RGS20: variants seen among roughly 807,000 people sequenced by gnomAD.
RGS20 encodes the protein regulator of G protein signaling 20.
RGS20 carries 30 observed loss-of-function variants against 33.6 expected under a neutral mutation model. The ratio of observed to expected loss-of-function variants is 0.89; its 90% CI spans 0.67 to 1.21. The LOEUF is 1.21. Among genes scored for constraint, RGS20 ranks in the 50% most tolerant of loss-of-function variants. The probability of loss-of-function intolerance (pLI) is 0.00; values close to 1 mark genes in which losing one functional copy is unlikely to be tolerated. For synonymous variants in RGS20, 208 were observed against 197.9 expected (o/e 1.05, Z -0.43); for missense variants, 472 against 502.4 (o/e 0.94, Z 0.58).
chr8:53,897,145 T>C (rs1330490527), intron 2 of RGS20, among the ~76,000 whole-genome samples: 3 of 152,232 alleles, frequency 2.0e-5, no homozygotes, highest in Non-Finnish European at 2.9e-5. Flanking sequence ...CTTTTGTACA[T>C]TTTTATCCTT....
Position 53,925,573 on chromosome 8 carries a change from T to C in RGS20, c.511-14003T>C, listed in dbSNP as rs553877393. 1.3e-4 allele frequency among the ~76,000 whole-genome samples: 19 copies of C among 151,044 alleles called. 1 individual carries two copies. The highest frequency in any genetic ancestry group is 4.4e-4 in the African/African-American group (18 of 41,114). On this transcript the variant is annotated intron_variant, in intron 2 of 5. Coordinates refer to ENST00000297313, the MANE Select transcript of RGS20 (RefSeq NM_170587.4). ...TGGGCGGATCACCTCAGGTCAGGAG[T>C]AAAAATACAAAATTAGCTGGGCATG...
At chr8:53,906,201 C>T (rs1813168181) in intron 2 of RGS20, among the ~76,000 whole-genome samples, 2 of 152,030 alleles carry the variant, frequency 1.3e-5, no homozygotes, top group Admixed American at 1.3e-4. Context: ...GGATCACGAC[C>T]TCGTCCCTAC....
chr8:53,939,113 T>A (rs747334274), intron 2 of RGS20, among the ~76,000 whole-genome samples: 2 of 152,210 alleles, frequency 1.3e-5, no homozygotes, highest in Non-Finnish European at 2.9e-5. Flanking sequence ...CTCGTCAGCC[T>A]GCTGTATTAG....
intron 5 of RGS20, among the ~76,000 whole-genome samples, chr8:53,955,134 T>A (rs772349188): frequency 1.3e-5 from 2 of 151,394 alleles, no homozygotes; most frequent in Admixed American, 6.6e-5. Flanking sequence ...TTGCAGTTGA[T>A]GTTCTGGGTC....
chr8:53,899,835 C>G (rs1812963399), intron 2 of RGS20, among the ~76,000 whole-genome samples: 1 of 152,174 alleles, frequency 6.6e-6, no homozygotes, highest in Non-Finnish European at 1.5e-5. Context: ...GCTTCAGGCT[C>G]TAGTCACAAA....
intron 3 of RGS20, among the ~76,000 whole-genome samples, chr8:53,940,535 A>G (rs569778764): frequency 3.0e-4 from 46 of 152,336 alleles, no homozygotes; most frequent in African/African-American, 1.0e-3. Flanking sequence ...TGGACTGATC[A>G]CGAACCGTGA....
intron 2 of RGS20, among the ~76,000 whole-genome samples, chr8:53,883,159 T>C (rs1751511731): frequency 1.4e-5 from 2 of 146,860 alleles, no homozygotes; most frequent in Admixed American, 6.7e-5. Flanking sequence ...CTTTCTTTCT[T>C]TTTTTTTTTT....
intron 2 of RGS20, among the ~76,000 whole-genome samples, chr8:53,908,820 TAAAC>T (rs1400079430): frequency 1.2e-4 from 18 of 151,558 alleles, no homozygotes; most frequent in Admixed American, 1.1e-3. Context: ...AATAAATAAA[TAAAC>T]AAACTATCAT....
chr8:53,881,185 C>G (rs985082499), intron 2 of RGS20, 101 bp downstream of exon 1: 2 of 884,970 alleles, frequency 2.3e-6, no homozygotes, highest in African/African-American at 1.9e-5. Context: ...CGCCGCTCGT[C>G]CGGACCTCAG....
At chr8:53,952,390 G>T (rs1422794676) in intron 4 of RGS20, among the ~76,000 whole-genome samples, 1 of 149,436 alleles carries the variant, frequency 6.7e-6, no homozygotes, top group Non-Finnish European at 1.5e-5. Flanking sequence ...GAAAAAGCAA[G>T]TTGCAGAAGA....
chr8:53,901,105 C>G (rs1365934793), intron 2 of RGS20, among the ~76,000 whole-genome samples: 1 of 150,380 alleles, frequency 6.6e-6, no homozygotes, highest in Non-Finnish European at 1.5e-5. Context: ...GCTCTATCAC[C>G]CAGGCTGGAG....
At chr8:53,914,938 A>C (rs2129284695) in intron 2 of RGS20, 1 of 152,342 alleles carries the variant, frequency 6.6e-6, no homozygotes, top group African/African-American at 2.4e-5. Context: ...TGAGGTCAGG[A>C]GTTTGAGGCC....
chr8:53,867,099 T>G (rs1449041420), intron 1 of RGS20, among the ~76,000 whole-genome samples: 3 of 152,154 alleles, frequency 2.0e-5, no homozygotes, highest in African/African-American at 7.2e-5. Flanking sequence ...CTTGTGGTCA[T>G]GTCTCCCTCT....
intron 1 of RGS20, among the ~76,000 whole-genome samples, chr8:53,864,552 C>A (rs774773393): frequency 8.6e-5 from 13 of 151,910 alleles, no homozygotes; most frequent in Non-Finnish European, 1.6e-4. Flanking sequence ...ATCCTATGGG[C>A]TGGGTTTGTA....
chr8:53,868,582 A>G (rs2129270740), intron 1 of RGS20, among the ~76,000 whole-genome samples: 1 of 152,286 alleles, frequency 6.6e-6, no homozygotes, highest in Middle Eastern at 3.4e-3. Flanking sequence ...CAATATTCTT[A>G]TAATAAAGAT....
intron 1 of RGS20, among the ~76,000 whole-genome samples, chr8:53,873,030 G>C (rs764495392): frequency 6.6e-6 from 1 of 152,066 alleles, no homozygotes; most frequent in Non-Finnish European, 1.5e-5. Context: ...ATTGAGTCAC[G>C]AGGGCAAATC....
At chr8:53,944,408 C>G (rs930508490) in intron 3 of RGS20, among the ~76,000 whole-genome samples, 15 of 151,788 alleles carry the variant, frequency 9.9e-5, no homozygotes, top group Non-Finnish European at 1.9e-4. Context: ...TGTGGTGGTG[C>G]GCGCCTGTAG....
At chr8:53,942,464 C>G (rs1292942597) in intron 3 of RGS20, among the ~76,000 whole-genome samples, 3 of 147,632 alleles carry the variant, frequency 2.0e-5, no homozygotes, top group African/African-American at 7.5e-5. Context: ...GTCTGAAAAA[C>G]AAAAACAAAA....
chr8:53,888,105 T>C (rs754548097), intron 2 of RGS20, among the ~76,000 whole-genome samples: 3 of 152,234 alleles, frequency 2.0e-5, no homozygotes, highest in African/African-American at 2.4e-5. Context: ...TTCTAGTGAC[T>C]ACCCAGATAT....
Sources: allele counts gnomAD v4.1 joint callset (sites outside exome capture counted in the v4.1 genomes callset), GRCh38; gene constraint gnomAD v4.1.1; transcripts MANE v1.5; gene names NCBI Gene and HGNC (gene_info 2026-07-23, HGNC 2026-07-21).